NFIA: variants seen among roughly 807,000 people sequenced by gnomAD.
NFIA encodes nuclear factor I A, also known as nuclear factor 1 A-type.
NFIA carries 8 observed loss-of-function variants against 62.8 expected under a neutral mutation model. The ratio of observed to expected loss-of-function variants is 0.13; its 90% confidence interval spans 0.07 to 0.23. The LOEUF (loss-of-function observed/expected upper bound fraction) is 0.23. Among genes scored for constraint, NFIA ranks in the 10% least tolerant of loss-of-function variants. NFIA has a pLI of 1.00. For missense variants in NFIA, 410 were observed against 642.1 expected (o/e 0.64, Z 3.91); for synonymous variants, 235 against 238.1 (o/e 0.99, Z 0.12).
intron 2 of NFIA, among the ~76,000 whole-genome samples, chr1:61,129,337 A>T (rs1251445289): frequency 1.3e-5 from 2 of 151,880 alleles, no homozygotes; most frequent in African/African-American, 4.8e-5. Flanking sequence ...ATCAGCCATT[A>T]TTTTACAGAG....
chr1:61,434,469 A>G (rs1486407038), intron 10 of NFIA, among the ~76,000 whole-genome samples: 1 of 152,228 alleles, frequency 6.6e-6, no homozygotes, highest in Non-Finnish European at 1.5e-5. Flanking sequence ...AGGCTATGAG[A>G]CACTCTTAAA....
At chr1:61,263,754 G>T (rs1467417299) in intron 2 of NFIA, among the ~76,000 whole-genome samples, 4 of 152,122 alleles carry the variant, frequency 2.6e-5, no homozygotes, top group Non-Finnish European at 5.9e-5. Context: ...CAGCACTTTG[G>T]GAGGCTGAGG....
chr1:61,284,084 T>C (rs1348704770), intron 3 of NFIA, among the ~76,000 whole-genome samples: 1 of 152,204 alleles, frequency 6.6e-6, no homozygotes, highest in Non-Finnish European at 1.5e-5. Flanking sequence ...TTCTCTGCAG[T>C]GTTCCTTCAA....
intron 2 of NFIA, among the ~76,000 whole-genome samples, chr1:61,149,724 CT>C (rs1648267975): frequency 2.0e-5 from 3 of 152,202 alleles, no homozygotes; most frequent in Admixed American, 6.5e-5. Context: ...CTGAGTTCCC[CT>C]GTCTCTGTTT....
At chr1:61,173,630 T>C (rs1403457729) in intron 2 of NFIA, among the ~76,000 whole-genome samples, 1 of 152,148 alleles carries the variant, frequency 6.6e-6, no homozygotes, top group Non-Finnish European at 1.5e-5. Context: ...CCTCAAGTGA[T>C]CCACCTGCCT....
At chr1:61,226,983 T>TA (rs1357660968) in intron 2 of NFIA, among the ~76,000 whole-genome samples, 1 of 152,152 alleles carries the variant, frequency 6.6e-6, no homozygotes, top group Non-Finnish European at 1.5e-5. Flanking sequence ...AGTTTTCACT[T>TA]ATACAAACTG....
At position 61,330,452 on chromosome 1, in the gene NFIA, C is replaced by A. The variant is rs766666825; in HGVS notation, c.626-2060C>A. 3.9e-3 allele frequency among the ~76,000 whole-genome samples: 462 copies of A among 119,960 alleles called. 6 individuals carry two copies. The highest frequency in any genetic ancestry group is 6.4e-3 in the Non-Finnish European group (364 of 56,804). 78.7% of individuals were successfully genotyped at this position (119,960 alleles called of 152,430 possible). A position where few individuals can be genotyped will look rare whatever the true frequency, so the allele number is the denominator to read the frequency against. ...AATAGATACACCCCCCCCACACACA[C>A]ACACACACGCACACATCTGCACACA... is the stretch of plus-strand genomic sequence containing the variant. On this transcript the variant is annotated intron_variant, in intron 3 of 10. Coordinates refer to ENST00000403491, the MANE Select transcript of NFIA (RefSeq NM_001134673.4).
intron 2 of NFIA, among the ~76,000 whole-genome samples, chr1:61,250,528 T>C (rs1655960308): frequency 6.6e-6 from 1 of 152,204 alleles, no homozygotes; most frequent in African/African-American, 2.4e-5. Context: ...TTCTGTATGA[T>C]TGGCCAAATT....
chr1:61,188,171 G>A (rs11207707), intron 2 of NFIA, among the ~76,000 whole-genome samples: 1 of 151,780 alleles, frequency 6.6e-6, no homozygotes, highest in African/African-American at 2.4e-5. Context: ...CCTCAGCCCC[G>A]GAGTAACTGG....
intron 2 of NFIA, among the ~76,000 whole-genome samples, chr1:61,123,550 G>A (rs968461092): frequency 1.3e-5 from 2 of 152,204 alleles, no homozygotes; most frequent in African/African-American, 2.4e-5. Flanking sequence ...ACATAAGTCT[G>A]TATAATTTGG....
At chr1:61,419,844 G>C (rs897963809) in intron 9 of NFIA, among the ~76,000 whole-genome samples, 1 of 152,176 alleles carries the variant, frequency 6.6e-6, no homozygotes, top group African/African-American at 2.4e-5. Flanking sequence ...TGGGTATGTT[G>C]TTCTGTAATT....
chr1:61,243,236 A>G (rs991523664), intron 2 of NFIA, among the ~76,000 whole-genome samples: 5 of 152,204 alleles, frequency 3.3e-5, no homozygotes, highest in Admixed American at 2.0e-4. Flanking sequence ...GGAAATTTCA[A>G]CATAAAGCTA....
intron 2 of NFIA, among the ~76,000 whole-genome samples, chr1:61,159,744 C>T (rs932432027): frequency 4.9e-5 from 7 of 143,758 alleles, no homozygotes; most frequent in Non-Finnish European, 4.5e-5. Context: ...TGCAGTGGCT[C>T]GATCTCGGCT....
intron 2 of NFIA, among the ~76,000 whole-genome samples, chr1:61,136,325 A>G (rs1312134774): frequency 1.1e-4 from 17 of 152,208 alleles, no homozygotes; most frequent in Admixed American, 1.0e-3. Flanking sequence ...CTGAGTTAAG[A>G]TGGGGTTTAG....
chr1:61,182,602 T>G lies in NFIA; in HGVS notation c.559+93922T>G, dbSNP rs537906308. On this transcript the variant is annotated intron_variant, in intron 2 of 10. Transcript: ENST00000403491. Reference sequence around the variant, plus strand: ...TTATTTTCAACAAACAGCAAATGTTTCCGTTAAACAAATGTGTATTTTATT... The same window carrying G: ...TTATTTTCAACAAACAGCAAATGTTGCCGTTAAACAAATGTGTATTTTATT... Among the ~76,000 whole-genome samples the G allele has an allele frequency of 1.8e-3, 275 of 152,282 alleles. 1 individual carries two copies. Among genetic ancestry groups the G allele is most frequent in the Middle Eastern group, 0.01 (3 of 294 alleles).
At chr1:61,343,267 A>G (rs919642852) in intron 4 of NFIA, among the ~76,000 whole-genome samples, 1 of 152,260 alleles carries the variant, frequency 6.6e-6, no homozygotes, top group Non-Finnish European at 1.5e-5. Flanking sequence ...AACTCACAGT[A>G]ATTATCTGTC....
At chr1:61,334,310 A>G (rs774671906) in intron 4 of NFIA, among the ~76,000 whole-genome samples, 10 of 152,042 alleles carry the variant, frequency 6.6e-5, no homozygotes, top group Non-Finnish European at 1.3e-4. Flanking sequence ...TAAAGTACCA[A>G]CCGGTTAAGT....
intron 10 of NFIA, among the ~76,000 whole-genome samples, chr1:61,449,839 G>T (rs1452510809): frequency 6.6e-6 from 1 of 152,256 alleles, no homozygotes; most frequent in East Asian, 1.9e-4. Flanking sequence ...GGCAGTACCA[G>T]TAACTAACAC....
intron 3 of NFIA, among the ~76,000 whole-genome samples, chr1:61,314,104 T>C (rs1413586804): frequency 6.6e-6 from 1 of 152,202 alleles, no homozygotes; most frequent in East Asian, 1.9e-4. Context: ...AAAAAAACTG[T>C]GTCACTTTCC....
Sources: allele counts gnomAD v4.1 joint callset (sites outside exome capture counted in the v4.1 genomes callset), GRCh38; gene constraint gnomAD v4.1.1; transcripts MANE v1.5; gene names NCBI Gene and HGNC (gene_info 2026-07-23, HGNC 2026-07-21).